Variants in KRT40 observed in about 807,000 individuals in gnomAD.
KRT40 encodes keratin 40.
KRT40 carries 47 observed loss-of-function variants against 43.5 expected under a neutral mutation model. The observed-to-expected ratio is 1.08, with a 90% confidence interval of 0.86 to 1.38. KRT40 has a LOEUF of 1.38. Ranked by LOEUF, KRT40 falls within the 40% of genes most tolerant of loss-of-function variation. The probability of loss-of-function intolerance (pLI) is 0.00; values close to 1 mark genes in which losing one functional copy is unlikely to be tolerated. For synonymous variants in KRT40, 212 were observed against 214.0 expected (o/e 0.99, Z 0.08); for missense variants, 573 against 523.6 (o/e 1.09, Z -0.92).
upstream of KRT40, among the ~76,000 whole-genome samples, chr17:40,985,595 C>A (rs546610064): frequency 2.7e-4 from 41 of 152,156 alleles, no homozygotes; most frequent in African/African-American, 9.4e-4. Context: ...ATAGTAGAAA[C>A]CAAACCAAAC....
chr17:40,983,087 C>T lies in KRT40; in HGVS notation c.489G>A (p.Gln163=). The T allele has an allele frequency of 6.6e-7, 1 of 1,518,336 alleles. No individual in the cohort carries two copies. 94.1% of individuals were successfully genotyped at this position (1,518,336 alleles called of 1,614,324 possible). ...TKAENSRLAV[Q]LDNCKLATDD... ...CAGTGGCCAGTTTGCAGTTGTCAAG[C>T]TGTACAGCAAGTCTAGAATTCTCTG... The change falls in exon 2 of 7, where the codon CAG becomes CAA. Residue 163 remains glutamine, a synonymous_variant. Coordinates refer to ENST00000377755, the MANE Select transcript of KRT40 (RefSeq NM_001389244.1).
Position 40,983,862 on chromosome 17 carries a change from G to A in KRT40, c.412C>T (p.Arg138Cys), listed in dbSNP as rs748399408. ...DIPMVCPDYQ[R>C]YFNTIEDLQQ... ...AGATCTTCAATGGTGTTGAAGTAAC[G>A]CTGATAATCCGGGCACACCATTGGG... Residue 138 changes from arginine to cysteine, a missense_variant, in exon 1 of 7, where the codon CGT becomes TGT. Arg to Cys is a radical substitution (Grantham distance 180). Transcript: ENST00000377755. The A allele has an allele frequency of 6.2e-6, 10 of 1,614,056 alleles. No individual in the cohort carries two copies. The African/African-American group carries it at 6.7e-5, about 11-fold the overall frequency.
chr17:40,986,118 C>T (rs1202418471), upstream of KRT40, among the ~76,000 whole-genome samples: 1 of 152,186 alleles, frequency 6.6e-6, no homozygotes, highest in Admixed American at 6.5e-5. Flanking sequence ...GAATTCATTT[C>T]TGTGGAGTCC....
Position 40,978,961 on chromosome 17 carries a change from T to G in KRT40, c.1039A>C (p.Ile347Leu). Residue 347 changes from isoleucine (I) to leucine (L), a missense_variant, in exon 6 of 7, where the codon ATT becomes CTT. By Grantham distance (5) the Ile-to-Leu change is conservative. Coordinates refer to ENST00000377755, the MANE Select transcript of KRT40 (RefSeq NM_001389244.1). Reference protein sequence around the residue: ...EAQYSSQLAQIQCLIDNLENQ... With the variant: ...EAQYSSQLAQLQCLIDNLENQ... Reference sequence around the variant, plus strand: ...TCCAGGTTATCGATCAGACACTGAATTTGGGCCAGCTGGGAGCTGTACTGG... The same window carrying G: ...TCCAGGTTATCGATCAGACACTGAAGTTGGGCCAGCTGGGAGCTGTACTGG... 6.2e-7 allele frequency: 1 copy of G among 1,614,130 alleles called. No homozygotes were observed. The highest frequency in any genetic ancestry group is 8.5e-7 in the Non-Finnish European group (1 of 1,180,018).
At position 40,978,832 on chromosome 17, in the gene KRT40, A is replaced by G. The variant is rs8064733; in HGVS notation, c.1168T>C (p.Trp390Arg). The G allele has an allele frequency of 0.29, 463,127 of 1,611,722 alleles. 73,580 individuals carry two copies. The highest frequency in any genetic ancestry group is 0.67 in the African/African-American group (49,928 of 74,848). The change falls in exon 6 of 7, where the codon TGG becomes CGG. Residue 390 changes from tryptophan (W) to arginine (R), a missense_variant. By Grantham distance (101) the Trp-to-Arg change is moderately radical (BLOSUM62 -3). Coordinates refer to ENST00000377755, the MANE Select transcript of KRT40 (RefSeq NM_001389244.1). The part of the protein sequence containing the change: ...ARLEGEINTY[W>R]GLLDSEDSRL... ...CTGTCCTCGCTGTCCAGCAGGCCCCAGTACGTGTTGATCTCACCCTCCAGC... is the reference window on the plus strand; with the variant it reads ...CTGTCCTCGCTGTCCAGCAGGCCCCGGTACGTGTTGATCTCACCCTCCAGC...
In KRT40 at chr17:40,978,066, A is replaced by G; in HGVS notation, c.*131T>C. On this transcript the variant is annotated 3_prime_UTR_variant, in exon 7 of 7. Transcript: ENST00000377755. The stretch of plus-strand genomic sequence containing the variant: ...ATAGTAAAGCAGAAAGACTGAGGAT[A>G]CCTGGAGGGCAATTCCAGGATATGA... 1 of 658,558 alleles carries G rather than the reference A, an allele frequency of 1.5e-6. No homozygotes were observed. The highest frequency in any genetic ancestry group is 2.7e-6 in the Non-Finnish European group (1 of 367,324). The allele number at this position is 658,558 out of a possible 1,614,324, so 40.8% of individuals were successfully genotyped here. A position where few individuals can be genotyped will look rare whatever the true frequency, so the allele number is the denominator to read the frequency against.
chr17:40,978,350 G>T, intron 6 of KRT40, 54 bp from the exon 7 acceptor site: 2 of 1,404,238 alleles, frequency 1.4e-6, no homozygotes, highest in Non-Finnish European at 2.0e-6. Context: ...TGATAAAATG[G>T]CAACTCAGAA....
chr17:40,978,679 T>C (rs11656005), intron 6 of KRT40, 125 bp downstream of exon 6: 222,693 of 768,102 alleles, frequency 0.29, 37,565 homozygotes, highest in African/African-American at 0.66. Flanking sequence ...TTTCAGCACT[T>C]TTTTAAGAAG....
intron 3 of KRT40, 182 bp from the exon 4 acceptor site, chr17:40,981,333 T>C (rs1438865826): frequency 8.8e-7 from 1 of 1,135,282 alleles, no homozygotes; most frequent in African/African-American, 1.5e-5. Context: ...GTCTGTAAAA[T>C]GGACATAATA....
chr17:40,978,418 C>T (rs1292534893), intron 6 of KRT40, 122 bp from the exon 7 acceptor site: 3 of 757,876 alleles, frequency 4.0e-6, no homozygotes, highest in East Asian at 2.6e-5. Flanking sequence ...TGCACAATAG[C>T]ATTGACTGAA....
rs1316711754 is a variant in KRT40 at position 40,981,317 on chromosome 17, T to G, written c.688-166A>C. ...TTTCACCACTTAGAAGGGCCTCAGT[T>G]TCTTCGTCTGTAAAATGGACATAAT... is the stretch of plus-strand genomic sequence containing the variant. On this transcript the variant is annotated intron_variant, in intron 3 of 6. Coordinates refer to ENST00000377755, the MANE Select transcript of KRT40 (RefSeq NM_001389244.1). 9 of 1,296,548 alleles carry G rather than the reference T, an allele frequency of 6.9e-6. No homozygotes were observed. The African/African-American group carries it at 1.3e-4, about 19-fold the overall frequency. 80.3% of individuals were successfully genotyped at this position (1,296,548 alleles called of 1,614,324 possible). A position where few individuals can be genotyped will look rare whatever the true frequency, so the allele number is the denominator to read the frequency against.
At chr17:40,984,819 G>T (rs1465304670), upstream of KRT40, among the ~76,000 whole-genome samples, 1 of 152,058 alleles carries the variant, frequency 6.6e-6, no homozygotes, top group East Asian at 1.9e-4. Context: ...CAGAGCATGT[G>T]CTGATAAAGA....
chr17:40,983,711 A>G (rs1454312827), intron 1 of KRT40, 116 bp downstream of exon 1: 1 of 1,016,588 alleles, frequency 9.8e-7, no homozygotes, highest in Non-Finnish European at 1.5e-6. Context: ...ATGTATCACT[A>G]ACTCTTAGAA....
chr17:40,978,855 A>G lies in KRT40; in HGVS notation c.1145T>C (p.Leu382Pro), dbSNP rs376596479. 7 of 1,611,886 alleles carry G rather than the reference A, an allele frequency of 4.3e-6. No individual in the cohort carries two copies. In the African/African-American group the frequency reaches 9.4e-5, roughly 22 times the overall value. Residue 382 changes from leucine to proline, a missense_variant, in exon 6 of 7, where the codon CTG (leucine) becomes CCG (proline). Transcript: ENST00000377755. ...YQVLLDVKAR[L>P]EGEINTYWGL... Reference sequence around the variant, plus strand: ...CCAGTACGTGTTGATCTCACCCTCCAGCCGGGCCTTCACGTCCAGGAGCAC... The same window carrying G: ...CCAGTACGTGTTGATCTCACCCTCCGGCCGGGCCTTCACGTCCAGGAGCAC...
Position 40,978,862 on chromosome 17 carries a change from C to A in KRT40, c.1138G>T (p.Ala380Ser), listed in dbSNP as rs1402360529. ...QEYQVLLDVK[A>S]RLEGEINTYW... ...GTGTTGATCTCACCCTCCAGCCGGG[C>A]CTTCACGTCCAGGAGCACCTGGTAC... The change falls in exon 6 of 7, where the codon GCC (alanine) becomes TCC (serine). Residue 380 changes from alanine to serine, a missense_variant. Physicochemically the swap from Ala to Ser is moderately conservative, Grantham distance 99. Transcript: ENST00000377755. The A allele has an allele frequency of 1.9e-6, 3 of 1,613,636 alleles. No homozygotes were observed. The highest frequency in any genetic ancestry group is 3.3e-5 in the Admixed American group (2 of 60,020).
chr17:40,979,069 T>C, intron 5 of KRT40, 45 bp from the exon 6 acceptor site: 1 of 1,500,796 alleles, frequency 6.7e-7, no homozygotes, highest in Non-Finnish European at 9.2e-7. Context: ...GTGCAGTCTC[T>C]CGGGCCAGAG....
upstream of KRT40, among the ~76,000 whole-genome samples, chr17:40,985,420 C>T (rs998593607): frequency 1.3e-5 from 2 of 152,024 alleles, 1 homozygote; most frequent in Middle Eastern, 6.8e-3. Flanking sequence ...TGGTTTTAGT[C>T]GTTACATTTA....
chr17:40,981,143 G>A lies in KRT40; in HGVS notation c.696C>T (p.Asn232=), dbSNP rs749603325. The A allele has an allele frequency of 8.7e-6, 14 of 1,613,638 alleles. No homozygotes were observed. The highest frequency in any genetic ancestry group is 8.5e-7 in the Non-Finnish European group (1 of 1,179,790). Residue 232 remains asparagine, a synonymous_variant, in exon 4 of 7, where the codon AAC becomes AAT. Coordinates refer to ENST00000377755, the MANE Select transcript of KRT40 (RefSeq NM_001389244.1). Reference sequence around the variant, plus strand: ...GGTCGCCAAGCTGTTCACGAAGCAAGTTGACTTCCTGAAAGTGGGATGGTG... The same window carrying A: ...GGTCGCCAAGCTGTTCACGAAGCAAATTGACTTCCTGAAAGTGGGATGGTG... The part of the protein sequence containing the change: ...CLKKNHEEEV[N]LLREQLGDRL...
chr17:40,981,164 T>C lies in KRT40; in HGVS notation c.688-13A>G. On this transcript the variant is annotated splice_polypyrimidine_tract_variant and intron_variant, in intron 3 of 6. Coordinates refer to ENST00000377755, the MANE Select transcript of KRT40 (RefSeq NM_001389244.1). ...GCAAGTTGACTTCCTGAAAGTGGGA[T>C]GGTGTAAAGAATGTCACAGAATGGT... 6.2e-7 allele frequency: 1 copy of C among 1,613,444 alleles called. No homozygotes were observed. The highest frequency in any genetic ancestry group is 8.5e-7 in the Non-Finnish European group (1 of 1,179,628).
Sources: allele counts gnomAD v4.1 joint callset (sites outside exome capture counted in the v4.1 genomes callset), GRCh38; gene constraint gnomAD v4.1.1; transcripts MANE v1.5; gene names NCBI Gene and HGNC (gene_info 2026-07-23, HGNC 2026-07-21).